Variants in CSMD1 observed in about 807,000 individuals in gnomAD.
CSMD1 encodes CUB and Sushi multiple domains 1.
CSMD1 carries 213 observed loss-of-function variants against 417.5 expected under a neutral mutation model. The ratio of observed to expected loss-of-function variants is 0.51; its 90% confidence interval spans 0.46 to 0.57. CSMD1 has a LOEUF of 0.57. Among genes scored for constraint, CSMD1 ranks in the 20% least tolerant of loss-of-function variants. The pLI is 0.00. For missense variants in CSMD1, 6,923 were observed against 4,529.7 expected (o/e 1.53, Z -15.17); for synonymous variants, 2,862 against 1,736.8 (o/e 1.65, Z -16.11).
chr8:3,224,098 T>C (rs1356845478), intron 27 of CSMD1, among the ~76,000 whole-genome samples: 1 of 152,178 alleles, frequency 6.6e-6, no homozygotes, highest in Non-Finnish European at 1.5e-5. Flanking sequence ...CCACCCCATT[T>C]TCAAAGAGAA....
chr8:4,011,783 A>C (rs928867237), intron 4 of CSMD1, among the ~76,000 whole-genome samples: 1 of 152,176 alleles, frequency 6.6e-6, no homozygotes, highest in Admixed American at 6.5e-5. Flanking sequence ...AGTGTAGTAT[A>C]ATATTAAAAC....
At chr8:4,101,373 G>T (rs1376894158) in intron 3 of CSMD1, among the ~76,000 whole-genome samples, 1 of 152,034 alleles carries the variant, frequency 6.6e-6, no homozygotes, top group Admixed American at 6.6e-5. Flanking sequence ...ATTCCATCTG[G>T]GGCCCTGACA....
intron 5 of CSMD1, among the ~76,000 whole-genome samples, chr8:3,959,110 A>G (rs1054706584): frequency 2.0e-5 from 3 of 152,146 alleles, no homozygotes; most frequent in African/African-American, 7.2e-5. Context: ...ACATGCTTTC[A>G]CTTTTATATC....
chr8:3,387,314 G>A (rs901258770), intron 18 of CSMD1, among the ~76,000 whole-genome samples, 180 bp downstream of exon 18: 1 of 152,126 alleles, frequency 6.6e-6, no homozygotes, highest in African/African-American at 2.4e-5. Context: ...GTACATACAC[G>A]GTGGTAGGTA....
intron 1 of CSMD1, among the ~76,000 whole-genome samples, chr8:4,894,947 A>C (rs1270159626): frequency 6.6e-6 from 1 of 152,172 alleles, no homozygotes; most frequent in Non-Finnish European, 1.5e-5. Flanking sequence ...CCAGGAATCA[A>C]ATGGCTGAGG....
intron 54 of CSMD1, among the ~76,000 whole-genome samples, chr8:2,991,648 C>A (rs1405678369): frequency 2.6e-5 from 4 of 152,076 alleles, no homozygotes; most frequent in Admixed American, 2.6e-4. Context: ...ATGAAACATA[C>A]CCTTTTTAAA....
At chr8:2,941,291 A>T (rs1184067257) in intron 69 of CSMD1, among the ~76,000 whole-genome samples, 1 of 152,238 alleles carries the variant, frequency 6.6e-6, no homozygotes, top group Non-Finnish European at 1.5e-5. Context: ...AAAAGTGAAT[A>T]TAAGAAAGCA....
chr8:4,438,716 T>A (rs542043026), intron 2 of CSMD1, among the ~76,000 whole-genome samples: 1 of 152,358 alleles, frequency 6.6e-6, no homozygotes, highest in East Asian at 1.9e-4. Flanking sequence ...CAGTTGAGAT[T>A]ACCTGCAGTT....
chr8:3,273,921 A>G lies in CSMD1; in HGVS notation c.4153+10223T>C, dbSNP rs576220160. Among the ~76,000 whole-genome samples the G allele has an allele frequency of 3.3e-5, 5 of 151,520 alleles. No homozygotes were observed. The South Asian group carries it at 6.3e-4, about 19-fold the overall frequency. On this transcript the variant is annotated intron_variant, in intron 26 of 69. Transcript: ENST00000635120. ...TTTTTGAAGGGTTTTTTGTGTCTCT[A>G]TTTCCTTCAGTTCTACTCTGATTTT... is the stretch of plus-strand genomic sequence containing the variant.
chr8:3,147,507 T>C (rs1818915263), intron 40 of CSMD1, among the ~76,000 whole-genome samples: 1 of 152,176 alleles, frequency 6.6e-6, no homozygotes, highest in African/African-American at 2.4e-5. Flanking sequence ...AGATGCCAAA[T>C]TCATTTCCTA....
chr8:4,744,027 G>C (rs540192523), intron 1 of CSMD1, among the ~76,000 whole-genome samples: 1 of 152,208 alleles, frequency 6.6e-6, no homozygotes, highest in Non-Finnish European at 1.5e-5. Flanking sequence ...TCCACGCCAG[G>C]CTGGCACACG....
chr8:4,781,715 T>A (rs1797161126), intron 1 of CSMD1, among the ~76,000 whole-genome samples: 1 of 152,200 alleles, frequency 6.6e-6, no homozygotes, highest in African/African-American at 2.4e-5. Flanking sequence ...TATGCACATT[T>A]CTGGGAACAC....
chr8:4,251,797 A>C (rs997642217), intron 3 of CSMD1, among the ~76,000 whole-genome samples: 9 of 148,220 alleles, frequency 6.1e-5, no homozygotes, highest in African/African-American at 2.2e-4. Context: ...GGAGGAGGAA[A>C]GATGGAGAAG....
chr8:4,335,601 CTA>C (rs1182488119), intron 3 of CSMD1, among the ~76,000 whole-genome samples: 1 of 152,092 alleles, frequency 6.6e-6, no homozygotes, highest in African/African-American at 2.4e-5. Context: ...TAAAACTACT[CTA>C]TGATTATCAT....
intron 26 of CSMD1, among the ~76,000 whole-genome samples, chr8:3,256,258 C>G (rs1470570463): frequency 7.2e-6 from 1 of 138,776 alleles, no homozygotes; most frequent in Non-Finnish European, 1.5e-5. Context: ...ACCTGGGAGG[C>G]AGAGGTTTCA....
chr8:4,167,974 A>G (rs1797548762), intron 3 of CSMD1, among the ~76,000 whole-genome samples: 1 of 151,880 alleles, frequency 6.6e-6, no homozygotes, highest in Non-Finnish European at 1.5e-5. Context: ...CTAAAAATAC[A>G]AAAAATTAGC....
intron 2 of CSMD1, among the ~76,000 whole-genome samples, chr8:4,452,649 A>C (rs1306640957): frequency 6.9e-6 from 1 of 145,396 alleles, no homozygotes; most frequent in Non-Finnish European, 1.6e-5. Flanking sequence ...TTCTTGAGTG[A>C]AACGTAACAT....
intron 10 of CSMD1, among the ~76,000 whole-genome samples, chr8:3,512,205 A>T (rs1797103235): frequency 6.6e-6 from 1 of 152,074 alleles, no homozygotes; most frequent in Non-Finnish European, 1.5e-5. Context: ...CTGTCCACCT[A>T]ATTTACCACC....
At chr8:4,393,099 C>T (rs1222636899) in intron 3 of CSMD1, among the ~76,000 whole-genome samples, 1 of 152,090 alleles carries the variant, frequency 6.6e-6, no homozygotes, top group Non-Finnish European at 1.5e-5. Context: ...CCTCAATCTC[C>T]CGAGTAGCTG....
Sources: allele counts gnomAD v4.1 joint callset (sites outside exome capture counted in the v4.1 genomes callset), GRCh38; gene constraint gnomAD v4.1.1; transcripts MANE v1.5; gene names NCBI Gene and HGNC (gene_info 2026-07-23, HGNC 2026-07-21).